The following TLE2 variants were observed in gnomAD, a reference collection of about 807,000 sequenced individuals.
TLE2 encodes the protein TLE family member 2, transcriptional corepressor, also known as transducin-like enhancer protein 2.
In TLE2, 74 loss-of-function variants were observed where a neutral mutation model predicts 97.2. That is an observed-to-expected ratio of 0.76 (90% CI 0.63 to 0.92). TLE2 has a LOEUF of 0.92. TLE2 is among the 40% of genes least tolerant of loss of function. The pLI, the probability that TLE2 is intolerant of heterozygous loss-of-function variation, is 0.00. For missense variants in TLE2, 1,038 were observed against 1,008.7 expected (o/e 1.03, Z -0.39); for synonymous variants, 499 against 432.1 (o/e 1.15, Z -1.92).
At chr19:2,999,715 A>G (rs1022876111) in intron 19 of TLE2, among the ~76,000 whole-genome samples, 1 of 131,576 alleles carries the variant, frequency 7.6e-6, no homozygotes, top group Non-Finnish European at 1.6e-5. Context: ...TGACAGAGTG[A>G]GACTCCATCT....
chr19:3,024,904 C>G (rs140675876), intron 5 of TLE2, 116 bp downstream of exon 5: 4 of 875,318 alleles, frequency 4.6e-6, no homozygotes, highest in Non-Finnish European at 7.1e-6. Flanking sequence ...TGGTCTCTAT[C>G]CGTGCTGCAG....
upstream of TLE2, among the ~76,000 whole-genome samples, chr19:3,046,303 G>A (rs892747460): frequency 6.6e-6 from 1 of 152,238 alleles, no homozygotes; most frequent in African/African-American, 2.4e-5. Flanking sequence ...GGCACACAGA[G>A]GGACGGAGAA....
At chr19:3,022,743 G>A (rs939059144) in intron 5 of TLE2, among the ~76,000 whole-genome samples, 2 of 152,042 alleles carry the variant, frequency 1.3e-5, no homozygotes, top group African/African-American at 4.8e-5. Flanking sequence ...ATCAGGATGC[G>A]GATACAGAGC....
chr19:3,001,791 C>CTTT lies in TLE2; in HGVS notation c.2047+559_2047+561dup, dbSNP rs562875053. On this transcript the variant is annotated intron_variant, in intron 18 of 19. Coordinates refer to ENST00000262953, the MANE Select transcript of TLE2 (RefSeq NM_003260.5). ...TGCCTGGCTTAAATTTCTTTTCTTT[C>CTTT]TTTTTTTTTTTTTTTTTTTTTTTAA... is the stretch of plus-strand genomic sequence containing the variant. Among the ~76,000 whole-genome samples the CTTT allele has an allele frequency of 1.3e-3, 150 of 111,414 alleles. 2 individuals carry two copies. Among genetic ancestry groups the CTTT allele is most frequent in the African/African-American group, 4.7e-3 (133 of 28,006 alleles). 73.1% of individuals were successfully genotyped at this position (111,414 alleles called of 152,430 possible). A position where few individuals can be genotyped will look rare whatever the true frequency, so the allele number is the denominator to read the frequency against.
intron 8 of TLE2, among the ~76,000 whole-genome samples, chr19:3,017,452 CTTTTT>C (rs529847551): frequency 8.1e-6 from 1 of 123,840 alleles, no homozygotes; most frequent in Non-Finnish European, 1.6e-5. Context: ...TTCTTTCTTT[CTTTTT>C]TTTTTTTTTT....
chr19:3,005,650 C>T (rs2089457857), intron 16 of TLE2, 66 bp from the exon 17 acceptor site: 1 of 1,606,796 alleles, frequency 6.2e-7, no homozygotes, highest in Non-Finnish European at 8.5e-7. Flanking sequence ...TCCCAGGTCA[C>T]ACTCCTCCAC....
At chr19:3,047,432 T>A, upstream of TLE2, 1 of 147,736 alleles carries the variant, frequency 6.8e-6, no homozygotes, top group South Asian at 2.2e-4. Context: ...GACCCCCGGA[T>A]CGCAGGCCAG....
intron 17 of TLE2, among the ~76,000 whole-genome samples, chr19:3,003,667 A>G (rs1017913115): frequency 6.9e-6 from 1 of 145,020 alleles, no homozygotes; most frequent in African/African-American, 2.6e-5. Context: ...AATAAGACAG[A>G]CCAGGCCTAG....
intron 1 of TLE2, among the ~76,000 whole-genome samples, chr19:3,041,007 A>ATT (rs2090097079): frequency 2.9e-5 from 1 of 34,930 alleles, no homozygotes; most frequent in Non-Finnish European, 4.9e-5. Context: ...ATATATATAT[A>ATT]TATATATTTT....
intron 3 of TLE2, 124 bp from the exon 4 acceptor site, chr19:3,027,997 C>G: frequency 1.0e-6 from 1 of 990,258 alleles, no homozygotes; most frequent in African/African-American, 1.6e-5. Context: ...AGCAGAGCCC[C>G]CCCCAGCTCC....
intron 1 of TLE2, among the ~76,000 whole-genome samples, chr19:3,035,040 G>A (rs893479030): frequency 1.3e-5 from 2 of 152,172 alleles, no homozygotes; most frequent in African/African-American, 4.8e-5. Flanking sequence ...CACTGCACCG[G>A]GGAGGGTAAA....
At position 3,028,393 on chromosome 19, in the gene TLE2, G is replaced by A; in HGVS notation, c.123-11C>T. The A allele has an allele frequency of 1.3e-6, 2 of 1,598,132 alleles. No individual in the cohort carries two copies. The highest frequency in any genetic ancestry group is 1.7e-6 in the Non-Finnish European group (2 of 1,171,770). ...CATTCTAGCTTGAGGCTGAGAAGAAGAGAGAGGGCAAGGGGCTCCCACCCG... is the reference window on the plus strand; with the variant it reads ...CATTCTAGCTTGAGGCTGAGAAGAAAAGAGAGGGCAAGGGGCTCCCACCCG... On this transcript the variant is annotated splice_polypyrimidine_tract_variant and intron_variant, in intron 2 of 19. Coordinates refer to ENST00000262953, the MANE Select transcript of TLE2 (RefSeq NM_003260.5).
chr19:2,999,484 T>C (rs1167480331), intron 19 of TLE2, among the ~76,000 whole-genome samples: 2 of 151,910 alleles, frequency 1.3e-5, no homozygotes, highest in African/African-American at 2.4e-5. Flanking sequence ...TCCCAGCACT[T>C]TGGGAGGCCA....
At chr19:3,023,717 A>C (rs1002482357) in intron 5 of TLE2, among the ~76,000 whole-genome samples, 11 of 151,536 alleles carry the variant, frequency 7.3e-5, no homozygotes, top group Non-Finnish European at 4.4e-5. Context: ...ACATAGGGAG[A>C]CCCGTCTCTA....
upstream of TLE2, among the ~76,000 whole-genome samples, chr19:3,033,729 C>T (rs190691280): frequency 6.6e-6 from 1 of 152,242 alleles, no homozygotes; most frequent in East Asian, 1.9e-4. Flanking sequence ...GGCCCTCTTC[C>T]CTCTCTAAGC....
chr19:3,035,309 A>G (rs1470864238), intron 1 of TLE2, among the ~76,000 whole-genome samples: 1 of 152,060 alleles, frequency 6.6e-6, no homozygotes, highest in Non-Finnish European at 1.5e-5. Flanking sequence ...CAGGGAAGCA[A>G]CCTGCCAGGC....
chr19:3,021,329 C>T (rs535258106), intron 5 of TLE2, among the ~76,000 whole-genome samples: 2 of 150,468 alleles, frequency 1.3e-5, no homozygotes, highest in East Asian at 2.0e-4. Context: ...CACTTGAACC[C>T]GGGAGTTAGA....
intron 8 of TLE2, among the ~76,000 whole-genome samples, chr19:3,017,289 C>T (rs759335727): frequency 1.7e-4 from 26 of 152,014 alleles, no homozygotes; most frequent in Admixed American, 3.3e-4. Flanking sequence ...AGGCACCCGC[C>T]GCCACGTTTG....
At position 3,005,856 on chromosome 19, in the gene TLE2, CG is replaced by C. The variant is rs756800910; in HGVS notation, c.1612del (p.Arg538ValfsTer6). 54 of 1,613,792 alleles carry C rather than the reference CG, an allele frequency of 3.3e-5. No individual in the cohort carries two copies. The highest frequency in any genetic ancestry group is 8.8e-5 in the South Asian group (8 of 91,074). On this transcript the variant is annotated frameshift_variant, in exon 16 of 20. Transcript: ENST00000262953. LOFTEE classifies it high-confidence loss of function. Reference protein sequence around the residue: ...SIWDLAAPTPRIKAELTSSAP... With the variant: ...SIWDLAAPTPXIKAELTSSAP... ...TGAGGAAGTCAGCTCGGCCTTGATA[CG>C]GGGGGTGGGCGCCGCCAGGTCCCAA... is the stretch of plus-strand genomic sequence containing the variant.
Sources: allele counts gnomAD v4.1 joint callset (sites outside exome capture counted in the v4.1 genomes callset), GRCh38; gene constraint gnomAD v4.1.1; transcripts MANE v1.5; gene names NCBI Gene and HGNC (gene_info 2026-07-23, HGNC 2026-07-21).